TMPRSS3: variants seen among roughly 807,000 people sequenced by gnomAD.
TMPRSS3 encodes the protein transmembrane serine protease 3.
A neutral mutation model predicts 59.6 loss-of-function variants in TMPRSS3; 55 were observed. The ratio of observed to expected loss-of-function variants is 0.92; its 90% CI spans 0.74 to 1.16. The LOEUF is 1.16. Among genes scored for constraint, TMPRSS3 ranks in the 50% most tolerant of loss-of-function variants. The pLI is 0.00. For synonymous variants in TMPRSS3, 257 were observed against 237.7 expected, an observed-to-expected ratio of 1.08 and a Z score of -0.75; for missense variants, 596 against 579.4, an observed-to-expected ratio of 1.03 and a Z score of -0.29.
At chr21:42,382,754 A>G (rs1399334433) in intron 8 of TMPRSS3, 1 of 525,942 alleles carries the variant, frequency 1.9e-6, no homozygotes, top group African/African-American at 1.9e-5. Context: ...AGGTCCTTTC[A>G]TTTTTGTGGG....
At chr21:42,385,260 C>T in intron 6 of TMPRSS3, 149 bp downstream of exon 6, 1 of 1,037,432 alleles carries the variant, frequency 9.6e-7, no homozygotes, top group South Asian at 1.3e-5. Context: ...CTGGCGCATC[C>T]ACCAGTCTCA....
chr21:42,394,544 T>C (rs886234739), intron 2 of TMPRSS3, among the ~76,000 whole-genome samples: 1 of 152,200 alleles, frequency 6.6e-6, no homozygotes, highest in Non-Finnish European at 1.5e-5. Flanking sequence ...AATGTGTGTC[T>C]TTTCAGTTAC....
chr21:42,386,142 T>C (rs1158882398), intron 5 of TMPRSS3, among the ~76,000 whole-genome samples: 1 of 152,134 alleles, frequency 6.6e-6, no homozygotes, highest in Non-Finnish European at 1.5e-5. Context: ...ATGCAACTTT[T>C]TAAAGAAGAA....
At chr21:42,380,595 G>A (rs768986359) in intron 9 of TMPRSS3, among the ~76,000 whole-genome samples, 1 of 152,270 alleles carries the variant, frequency 6.6e-6, no homozygotes, top group South Asian at 2.1e-4. Flanking sequence ...CCAGTAAAAT[G>A]TCTATTTACC....
intron 10 of TMPRSS3, among the ~76,000 whole-genome samples, chr21:42,379,203 T>C (rs2146428659): frequency 6.6e-6 from 1 of 151,868 alleles, no homozygotes; most frequent in South Asian, 2.1e-4. Context: ...ATTTTTTTAA[T>C]TTTTTGTAGA....
chr21:42,393,194 G>A lies in TMPRSS3; in HGVS notation c.94+2130C>T, dbSNP rs1050627344. On this transcript the variant is annotated intron_variant, in intron 2 of 12. Transcript: ENST00000644384. ...GGGCGGTTGGAGGTTGCAGTGAGCC[G>A]AGATCACGCCATTGCACTCCAGCCT... Among the ~76,000 whole-genome samples the A allele has an allele frequency of 3.9e-5, 6 of 152,078 alleles. No individual in the cohort carries two copies. In the South Asian group the frequency reaches 6.2e-4, roughly 16 times the overall value.
intron 12 of TMPRSS3, among the ~76,000 whole-genome samples, chr21:42,375,203 T>G (rs1346665684): frequency 3.6e-5 from 3 of 83,348 alleles, no homozygotes; most frequent in African/African-American, 4.8e-5. Flanking sequence ...CCCCTCCCAC[T>G]TCCACGCCTC....
At chr21:42,375,931 T>C in intron 11 of TMPRSS3, 63 bp from the exon 12 acceptor site, 9 of 1,602,052 alleles carry the variant, frequency 5.6e-6, no homozygotes, top group South Asian at 1.1e-5. Context: ...TTGCTTTCTG[T>C]GGACAGTCTG....
At chr21:42,386,345 T>C (rs2052632974) in intron 5 of TMPRSS3, among the ~76,000 whole-genome samples, 1 of 152,204 alleles carries the variant, frequency 6.6e-6, no homozygotes, top group Non-Finnish European at 1.5e-5. Context: ...TCAGTCAACT[T>C]TGAGTTTTGA....
chr21:42,374,222 G>A (rs556643271), intron 12 of TMPRSS3, among the ~76,000 whole-genome samples: 55 of 152,344 alleles, frequency 3.6e-4, no homozygotes, highest in African/African-American at 1.1e-3. Flanking sequence ...TCAGTGCCTA[G>A]TATGGGGCCA....
At chr21:42,387,433 A>C (rs898697416) in intron 5 of TMPRSS3, among the ~76,000 whole-genome samples, 1 of 150,196 alleles carries the variant, frequency 6.7e-6, no homozygotes, top group Non-Finnish European at 1.5e-5. Flanking sequence ...GTAATACATC[A>C]TTCCTGAAGA....
At position 42,372,560 on chromosome 21, in the gene TMPRSS3, AAAAAAAC is replaced by A. The variant is rs1303256643; in HGVS notation, c.*195_*201del. ...GGGCAACAGAGCGAGACTCCATCTC[AAAAAAAC>A]AAAAAACAAAAAGCAGCTTGAAGGT... is the stretch of plus-strand genomic sequence containing the variant. On this transcript the variant is annotated 3_prime_UTR_variant, in exon 13 of 13. Coordinates refer to ENST00000644384, the MANE Select transcript of TMPRSS3 (RefSeq NM_001256317.3). 7.0e-6 allele frequency: 5 copies of A among 714,890 alleles called. No individual in the cohort carries two copies. The highest frequency in any genetic ancestry group is 1.7e-5 in the African/African-American group (1 of 57,300). 44.3% of individuals were successfully genotyped at this position (714,890 alleles called of 1,614,324 possible).
intron 3 of TMPRSS3, chr21:42,389,253 C>T (rs2052693520): frequency 3.1e-6 from 3 of 970,776 alleles, no homozygotes; most frequent in South Asian, 1.6e-5. Context: ...CTTTATCTCG[C>T]TATGTGGCCT....
At chr21:42,384,120 CCT>C in intron 6 of TMPRSS3, 107 bp from the exon 7 acceptor site, 2 of 1,100,472 alleles carry the variant, frequency 1.8e-6, no homozygotes, top group Non-Finnish European at 2.7e-6. Flanking sequence ...TCTATTTCCC[CCT>C]CTTTGAATAT....
intron 11 of TMPRSS3, 84 bp downstream of exon 11, chr21:42,376,452 TTGTCC>T (rs2052429181): frequency 3.2e-6 from 5 of 1,574,456 alleles, no homozygotes; most frequent in Non-Finnish European, 4.3e-6. Flanking sequence ...AATTTACTTT[TTGTCC>T]TGTCACAGGG....
In TMPRSS3 at chr21:42,376,669, CAG is replaced by C; in HGVS notation, c.1061_1062del (p.Pro354ArgfsTer112). 6.2e-7 allele frequency: 1 copy of C among 1,614,050 alleles called. No individual in the cohort carries two copies. Among genetic ancestry groups the C allele is most frequent in the African/African-American group, 1.3e-5 (1 of 75,038 alleles). On this transcript the variant is annotated frameshift_variant, in exon 11 of 13. Coordinates refer to ENST00000644384, the MANE Select transcript of TMPRSS3 (RefSeq NM_001256317.3). LOFTEE classifies it high-confidence loss of function. ...AAAGGGACGGCCGCGTGGTTCAGGA[CAG>C]GGGAGGCGTCACCTGCTTCAAAGTG... is the stretch of plus-strand genomic sequence containing the variant. ...GATEDGGDAS[P>X]VLNHAAVPLI...
chr21:42,380,055 C>T (rs997602025), intron 10 of TMPRSS3, 62 bp downstream of exon 10: 10 of 1,390,070 alleles, frequency 7.2e-6, no homozygotes, highest in East Asian at 4.6e-5. Context: ...TGGGGGAGCC[C>T]CCTCCGCAGC....
At chr21:42,382,275 C>T (rs1393745477) in intron 8 of TMPRSS3, 41 bp from the exon 9 acceptor site, 1 of 1,579,406 alleles carries the variant, frequency 6.3e-7, no homozygotes, top group East Asian at 2.2e-5. Context: ...AGGAAAAGTC[C>T]AACCACTGAA....
intron 2 of TMPRSS3, 97 bp downstream of exon 2, chr21:42,395,227 T>G: frequency 9.7e-7 from 1 of 1,031,210 alleles, no homozygotes; most frequent in Admixed American, 1.9e-5. Flanking sequence ...TCAGAATGGC[T>G]GGGGAGATAT....
Sources: gnomAD v4.1 joint callset for allele counts (sites outside exome capture counted in the v4.1 genomes callset) on GRCh38, gnomAD v4.1.1 for gene constraint, MANE v1.5 for transcripts, NCBI Gene and HGNC (gene_info 2026-07-23, HGNC 2026-07-21) for gene names.